The following DZANK1 variants were observed in gnomAD, a reference collection of about 807,000 sequenced individuals.
DZANK1 encodes the protein double zinc ribbon and ankyrin repeat domains 1, also known as double zinc ribbon and ankyrin repeat-containing protein 1.
DZANK1 carries 91 observed loss-of-function variants against 94.5 expected under a neutral mutation model. That is an observed-to-expected ratio of 0.96 (90% confidence interval 0.81 to 1.15). DZANK1 has a LOEUF of 1.15. DZANK1 is among the 50% of genes most tolerant of loss of function. The pLI is 0.00. For synonymous variants in DZANK1, 312 were observed against 325.3 expected (o/e 0.96, Z 0.44); for missense variants, 903 against 916.4 (o/e 0.99, Z 0.19).
At chr20:18,466,370 A>G (rs2059653427) in intron 1 of DZANK1, among the ~76,000 whole-genome samples, 1 of 152,204 alleles carries the variant, frequency 6.6e-6, no homozygotes, top group Non-Finnish European at 1.5e-5. Context: ...TGCTGATCTG[A>G]ACATGTCTGC....
At chr20:18,411,819 C>T (rs1043338185) in intron 13 of DZANK1, among the ~76,000 whole-genome samples, 1 of 152,098 alleles carries the variant, frequency 6.6e-6, no homozygotes, top group Non-Finnish European at 1.5e-5. Context: ...AGCTAGAAGT[C>T]CAAAATAAAG....
In DZANK1 at chr20:18,422,176, T is replaced by C. The variant is rs183112975; in HGVS notation, c.954+4891A>G. Among the ~76,000 whole-genome samples, 364 of 152,350 alleles carry C rather than the reference T, an allele frequency of 2.4e-3. 5 individuals carry two copies. The highest frequency in any genetic ancestry group is 0.02 in the Admixed American group (305 of 15,306). On this transcript the variant is annotated intron_variant, in intron 10 of 20. Transcript: ENST00000262547. Reference sequence around the variant, plus strand: ...TAAGCTTTTTCCCTATGTTTTCCAATAGAAGTTTTTCAGTTTAATCCATTT... The same window carrying C: ...TAAGCTTTTTCCCTATGTTTTCCAACAGAAGTTTTTCAGTTTAATCCATTT...
At chr20:18,386,977 T>C (rs540854236) in intron 19 of DZANK1, among the ~76,000 whole-genome samples, 143 of 152,216 alleles carry the variant, frequency 9.4e-4, no homozygotes, top group Non-Finnish European at 1.4e-3. Context: ...GATAAAGACA[T>C]ACCCAAGATT....
chr20:18,445,254 A>C lies in DZANK1; in HGVS notation c.630-1790T>G, dbSNP rs73900408. Among the ~76,000 whole-genome samples the C allele has an allele frequency of 6.6e-3, 1,009 of 152,328 alleles. 12 individuals are homozygous for C. The highest frequency in any genetic ancestry group is 0.023 in the African/African-American group (973 of 41,564). On this transcript the variant is annotated intron_variant, in intron 7 of 20. Transcript: ENST00000262547. ...ACAGAGTTAAAGAAGTTTATTTCAT[A>C]ATGATAAAAGGGTCAACTTAGCAAG... is the stretch of plus-strand genomic sequence containing the variant.
At chr20:18,397,230 T>C (rs1043928520) in intron 14 of DZANK1, among the ~76,000 whole-genome samples, 1 of 152,222 alleles carries the variant, frequency 6.6e-6, no homozygotes, top group African/African-American at 2.4e-5. Context: ...AAGAAATTCA[T>C]AAACTACCAA....
chr20:18,429,234 T>A (rs1378723270), intron 9 of DZANK1, among the ~76,000 whole-genome samples: 2 of 152,162 alleles, frequency 1.3e-5, no homozygotes, highest in Non-Finnish European at 2.9e-5. Flanking sequence ...CAGAAAATAC[T>A]TCCTCTAGGA....
intron 8 of DZANK1, 120 bp from the exon 9 acceptor site, chr20:18,433,885 C>CCTG: frequency 1.2e-6 from 1 of 821,584 alleles, no homozygotes; most frequent in Non-Finnish European, 1.9e-6. Flanking sequence ...CTCATCTGAT[C>CCTG]TCAAAACCTA....
chr20:18,394,324 A>G, exon 16 of DZANK1: 1 of 1,613,818 alleles, frequency 6.2e-7, no homozygotes. Context: ...GATCGCTGAA[A>G]TTCACTGCCT....
chr20:18,432,884 T>A (rs1266030696), intron 9 of DZANK1: 1 of 152,228 alleles, frequency 6.6e-6, no homozygotes, highest in Non-Finnish European at 1.5e-5. Flanking sequence ...TATGATATCA[T>A]TTTTTGAGCA....
At chr20:18,422,296 C>T (rs1273903631) in intron 10 of DZANK1, among the ~76,000 whole-genome samples, 16 of 152,318 alleles carry the variant, frequency 1.1e-4, no homozygotes. Flanking sequence ...ATTGAAGAGA[C>T]TATCCTTTCC....
intron 18 of DZANK1, among the ~76,000 whole-genome samples, chr20:18,390,089 G>C (rs1233854084): frequency 6.6e-6 from 1 of 152,128 alleles, no homozygotes; most frequent in Non-Finnish European, 1.5e-5. Context: ...TGCTTCTTTA[G>C]GAAACCCAGG....
intron 17 of DZANK1, 29 bp downstream of exon 17, chr20:18,393,682 A>C: frequency 7.0e-7 from 1 of 1,434,556 alleles, no homozygotes; most frequent in Non-Finnish European, 9.7e-7. Flanking sequence ...TGAAGACAAC[A>C]TCCACAAGGA....
chr20:18,458,933 C>G (rs919693046), intron 3 of DZANK1, among the ~76,000 whole-genome samples: 2 of 152,228 alleles, frequency 1.3e-5, no homozygotes, highest in African/African-American at 4.8e-5. Context: ...TTTCCCTAAG[C>G]TGAGCACATC....
chr20:18,384,531 T>C (rs755179295), exon 21 of DZANK1: 1 of 1,608,608 alleles, frequency 6.2e-7, no homozygotes, highest in Non-Finnish European at 8.5e-7. Flanking sequence ...CTGTCTGGCC[T>C]CCTGCATTCT....
Position 18,384,290 on chromosome 20 carries a change from C to G in DZANK1, c.*109G>C, listed in dbSNP as rs529525468. ...GTCAGGCTGGTCTTGAACTCCCAAC[C>G]TCAGGTGATACGCCAGCCTCAGCCT... On this transcript the variant is annotated 3_prime_UTR_variant, in exon 21 of 21. Coordinates refer to ENST00000262547, the Ensembl canonical transcript of DZANK1. 1.2e-5 allele frequency: 14 copies of G among 1,209,616 alleles called. No individual in the cohort carries two copies. The African/African-American group carries it at 2.2e-4, about 19-fold the overall frequency. 74.9% of individuals were successfully genotyped at this position (1,209,616 alleles called of 1,614,324 possible). A position where few individuals can be genotyped will look rare whatever the true frequency, so the allele number is the denominator to read the frequency against.
intron 16 of DZANK1, 25 bp from the exon 17 acceptor site, chr20:18,393,836 A>G: frequency 6.8e-7 from 1 of 1,480,084 alleles, no homozygotes; most frequent in African/African-American, 1.4e-5. Flanking sequence ...TTGGGGAAAA[A>G]AATGATGCCC....
intron 19 of DZANK1, among the ~76,000 whole-genome samples, chr20:18,389,393 T>C (rs1346153801): frequency 6.6e-6 from 1 of 152,206 alleles, no homozygotes; most frequent in Non-Finnish European, 1.5e-5. Flanking sequence ...GATGAAAACA[T>C]TGATTAACAC....
rs897896528 is a variant in DZANK1 at position 18,394,555 on chromosome 20, G to T, written c.1612-205C>A. ...CGTTCTGCCCCTTACCCGCGGCTCA[G>T]TCTGGCCCCTCCTCCTCTCCCTCCC... On this transcript the variant is annotated intron_variant, in intron 15 of 20. Coordinates refer to ENST00000262547, the Ensembl canonical transcript of DZANK1. The T allele has an allele frequency of 1.9e-5, 13 of 684,128 alleles. No homozygotes were observed. The Admixed American group carries it at 1.9e-4, about 10-fold the overall frequency. 42.4% of individuals were successfully genotyped at this position (684,128 alleles called of 1,614,324 possible).
intron 10 of DZANK1, among the ~76,000 whole-genome samples, chr20:18,426,756 A>G (rs1280974215): frequency 6.6e-6 from 1 of 152,216 alleles, no homozygotes; most frequent in Non-Finnish European, 1.5e-5. Flanking sequence ...TGACAAAGAC[A>G]TACCTGTCTG....
Sources: allele counts gnomAD v4.1 joint callset (sites outside exome capture counted in the v4.1 genomes callset), GRCh38; gene constraint gnomAD v4.1.1; transcripts MANE v1.5; gene names NCBI Gene and HGNC (gene_info 2026-07-23, HGNC 2026-07-21).